TRAM1: variants seen among roughly 807,000 people sequenced by gnomAD.
TRAM1 encodes the protein translocating chain-associated membrane protein 1.
TRAM1 carries 17 observed loss-of-function variants against 48.7 expected under a neutral mutation model. The ratio of observed to expected loss-of-function variants is 0.35; its 90% CI spans 0.24 to 0.52. The LOEUF (loss-of-function observed/expected upper bound fraction) is 0.52, where lower values mean the gene tolerates loss of function less well. TRAM1 is among the 20% of genes least tolerant of loss of function. The pLI, the probability that TRAM1 is intolerant of heterozygous loss-of-function variation, is 0.94. For synonymous variants in TRAM1, 182 were observed against 154.0 expected (o/e 1.18, Z -1.34); for missense variants, 351 against 441.5 (o/e 0.79, Z 1.84).
chr8:70,599,718 A>T (rs1371420563), intron 2 of TRAM1, among the ~76,000 whole-genome samples: 1 of 152,274 alleles, frequency 6.6e-6, no homozygotes. Flanking sequence ...CAATTTTAAA[A>T]AGATCTTTTC....
intron 10 of TRAM1, among the ~76,000 whole-genome samples, chr8:70,577,324 C>G (rs936754824): frequency 6.6e-6 from 1 of 152,192 alleles, no homozygotes; most frequent in Non-Finnish European, 1.5e-5. Flanking sequence ...GTGAAGCCCC[C>G]CTCTTCAAGC....
At chr8:70,606,246 G>A (rs566246818) in intron 1 of TRAM1, among the ~76,000 whole-genome samples, 1 of 152,290 alleles carries the variant, frequency 6.6e-6, no homozygotes, top group Non-Finnish European at 1.5e-5. Flanking sequence ...AGGCTGGAGT[G>A]CAGTGGTGAA....
At chr8:70,594,691 T>C in intron 5 of TRAM1, 101 bp from the exon 6 acceptor site, 1 of 856,176 alleles carries the variant, frequency 1.2e-6, no homozygotes, top group South Asian at 2.1e-5. Flanking sequence ...TAACTACCTT[T>C]GTGTCATCAT....
intron 10 of TRAM1, among the ~76,000 whole-genome samples, chr8:70,582,026 T>G (rs1272405814): frequency 6.6e-6 from 1 of 152,146 alleles, no homozygotes; most frequent in Admixed American, 6.6e-5. Flanking sequence ...ATTCTGGAAT[T>G]AGATAGTGGT....
intron 10 of TRAM1, among the ~76,000 whole-genome samples, chr8:70,578,633 G>A (rs1817011148): frequency 1.3e-5 from 2 of 151,506 alleles, no homozygotes; most frequent in Non-Finnish European, 2.9e-5. Context: ...ACCCTGTTTC[G>A]AAAAAAAAGA....
chr8:70,605,084 G>A (rs1817691638), intron 1 of TRAM1, among the ~76,000 whole-genome samples: 1 of 152,166 alleles, frequency 6.6e-6, no homozygotes, highest in Non-Finnish European at 1.5e-5. Flanking sequence ...TACTTTGTTA[G>A]CCTTTTCAGT....
At chr8:70,591,413 G>A (rs943371871) in intron 6 of TRAM1, among the ~76,000 whole-genome samples, 3 of 152,130 alleles carry the variant, frequency 2.0e-5, no homozygotes, top group African/African-American at 7.2e-5. Context: ...GTCTGAGGCC[G>A]ACAACAAAGC....
chr8:70,598,137 C>A lies in TRAM1; in HGVS notation c.306G>T (p.Leu102Phe). 1 of 1,610,786 alleles carries A rather than the reference C, an allele frequency of 6.2e-7. No homozygotes were observed. Among genetic ancestry groups the A allele is most frequent in the South Asian group, 1.1e-5 (1 of 90,462 alleles). ...ATTTCTAAGACTGCATACTTACATC[C>A]AACATATACTCTTGAATTACGGCAT... ...IIHAVIQEYM[L>F]DKINRRMHFS... is the part of the protein sequence containing the mutation. Residue 102 changes from leucine to phenylalanine, a missense_variant, in exon 3 of 11, where the codon TTG becomes TTT. Coordinates refer to ENST00000262213, the MANE Select transcript of TRAM1 (RefSeq NM_014294.6).
rs754383259 is a variant in TRAM1 at position 70,596,288 on chromosome 8, T to C, written c.460A>G (p.Arg154Gly). Residue 154 changes from arginine to glycine, a missense_variant, in exon 5 of 11, where the codon AGG becomes GGG. Physicochemically the swap from Arg to Gly is moderately radical, Grantham distance 125. Coordinates refer to ENST00000262213, the MANE Select transcript of TRAM1 (RefSeq NM_014294.6). ...GTCATCAGGTTATGGGGATAAGCCC[T>C]CCATAAGATAGTTGGGTCTGAGATG... ...NYISDPTILW[R>G]AYPHNLMTFQ... is the part of the protein sequence containing the mutation. 6.2e-7 allele frequency: 1 copy of C among 1,600,692 alleles called. No homozygotes were observed. Among genetic ancestry groups the C allele is most frequent in the East Asian group, 2.3e-5 (1 of 43,768 alleles).
At chr8:70,603,802 C>G (rs963849366) in intron 1 of TRAM1, among the ~76,000 whole-genome samples, 1 of 152,156 alleles carries the variant, frequency 6.6e-6, no homozygotes, top group African/African-American at 2.4e-5. Context: ...ATTAGATTAT[C>G]CTTTTAGCCA....
chr8:70,593,549 G>A (rs1032923928), intron 6 of TRAM1, among the ~76,000 whole-genome samples: 1 of 149,290 alleles, frequency 6.7e-6, no homozygotes, highest in Non-Finnish European at 1.5e-5. Context: ...CCTTCACCTG[G>A]TATTATTTTG....
chr8:70,575,894 T>C (rs527508043), intron 10 of TRAM1, among the ~76,000 whole-genome samples: 1 of 151,870 alleles, frequency 6.6e-6, no homozygotes, highest in African/African-American at 2.4e-5. Flanking sequence ...CTGGCCAACG[T>C]GGTGAAATGC....
In TRAM1 at chr8:70,590,986, G is replaced by A. The variant is rs576329688; in HGVS notation, c.570+3520C>T. On this transcript the variant is annotated intron_variant, in intron 6 of 10. Transcript: ENST00000262213. Reference sequence around the variant, plus strand: ...GCTAATTAATCTCTCTGTATAATGGGGATAACAACAACAATAATAATAAAA... The same window carrying A: ...GCTAATTAATCTCTCTGTATAATGGAGATAACAACAACAATAATAATAAAA... Among the ~76,000 whole-genome samples the A allele has an allele frequency of 3.3e-5, 5 of 150,398 alleles. No homozygotes were observed. The East Asian group carries it at 5.8e-4, about 17-fold the overall frequency.
Position 70,608,373 on chromosome 8 carries a change from G to GT in TRAM1, c.-175_-174insA, listed in dbSNP as rs553074160. ...TACGCAGCCGCCGGGCCGCCCGGGGGAAAAAAAAAAACACAACAGCTAGCC... is the reference window on the plus strand; with the variant it reads ...TACGCAGCCGCCGGGCCGCCCGGGGGTAAAAAAAAAAACACAACAGCTAGCC... On this transcript the variant is annotated 5_prime_UTR_variant, in exon 1 of 11. Transcript: ENST00000262213. 5.3e-6 allele frequency: 2 copies of GT among 374,220 alleles called. No homozygotes were observed. Among genetic ancestry groups the GT allele is most frequent in the South Asian group, 4.4e-5 (1 of 22,948 alleles). The allele number at this position is 374,220 out of a possible 1,614,324, so 23.2% of individuals were successfully genotyped here. A position where few individuals can be genotyped will look rare whatever the true frequency, so the allele number is the denominator to read the frequency against.
At chr8:70,579,670 C>T (rs1817032727) in intron 10 of TRAM1, among the ~76,000 whole-genome samples, 1 of 152,096 alleles carries the variant, frequency 6.6e-6, no homozygotes, top group African/African-American at 2.4e-5. Flanking sequence ...CTTAACATTC[C>T]ACAAGTCATG....
Position 70,608,061 on chromosome 8 carries a change from C to T in TRAM1, c.123+16G>A, listed in dbSNP as rs1460367126. On this transcript the variant is annotated intron_variant, in intron 1 of 10. Coordinates refer to ENST00000262213, the MANE Select transcript of TRAM1 (RefSeq NM_014294.6). The stretch of plus-strand genomic sequence containing the variant: ...GAGGTGGCGGGGCAGGCGGTTGGGA[C>T]TCGGGGCGGGCTCACCTCAAACATG... 1 of 1,582,342 alleles carries T rather than the reference C, an allele frequency of 6.3e-7. No individual in the cohort carries two copies. The highest frequency in any genetic ancestry group is 2.4e-5 in the East Asian group (1 of 42,078).
In TRAM1 at chr8:70,608,056, TG is replaced by T. The variant is rs2132052496; in HGVS notation, c.123+20del. On this transcript the variant is annotated intron_variant, in intron 1 of 10. Transcript: ENST00000262213. ...GGCTGGAGGTGGCGGGGCAGGCGGT[TG>T]GGACTCGGGGCGGGCTCACCTCAAA... 1 of 1,577,952 alleles carries T rather than the reference TG, an allele frequency of 6.3e-7. No homozygotes were observed. Among genetic ancestry groups the T allele is most frequent in the African/African-American group, 1.4e-5 (1 of 72,544 alleles).
chr8:70,598,503 G>T (rs963354216), intron 2 of TRAM1, among the ~76,000 whole-genome samples: 13 of 152,046 alleles, frequency 8.6e-5, no homozygotes, highest in Non-Finnish European at 1.5e-5. Context: ...AGCCACCAAA[G>T]ACCAAAAAAC....
Position 70,600,164 on chromosome 8 carries a change from C to A in TRAM1, c.124-82G>T, listed in dbSNP as rs917977592. ...GATCGGGGCAAAAACATTATAAAAT[C>A]TGTCCCTAAATCGAAGCACCAAGGG... On this transcript the variant is annotated intron_variant, in intron 1 of 10. Transcript: ENST00000262213. The A allele has an allele frequency of 4.3e-6, 5 of 1,156,986 alleles. No individual in the cohort carries two copies. The Admixed American group carries it at 5.7e-5, about 13-fold the overall frequency. 71.7% of individuals were successfully genotyped at this position (1,156,986 alleles called of 1,614,324 possible).
Sources: gnomAD v4.1 joint callset for allele counts (sites outside exome capture counted in the v4.1 genomes callset) on GRCh38, gnomAD v4.1.1 for gene constraint, MANE v1.5 for transcripts, NCBI Gene and HGNC (gene_info 2026-07-23, HGNC 2026-07-21) for gene names.